The following EML6 variants were observed in gnomAD, a reference collection of about 807,000 sequenced individuals.
EML6 encodes the protein echinoderm microtubule-associated protein-like 6.
A neutral mutation model predicts 240.1 loss-of-function variants in EML6; 154 were observed. That is an observed-to-expected ratio of 0.64 (90% CI 0.56 to 0.73). EML6 has a LOEUF of 0.73. Among genes scored for constraint, EML6 ranks in the 30% least tolerant of loss-of-function variants. The pLI, the probability that EML6 is intolerant of heterozygous loss-of-function variation, is 0.00. For missense variants in EML6, 2,964 were observed against 2,474.6 expected (o/e 1.20, Z -4.20); for synonymous variants, 1,148 against 899.0 (o/e 1.28, Z -4.95).
intron 5 of EML6, among the ~76,000 whole-genome samples, chr2:54,821,361 T>C (rs1668327374): frequency 6.6e-6 from 1 of 152,136 alleles, no homozygotes; most frequent in African/African-American, 2.4e-5. Flanking sequence ...ACCTAAAGAA[T>C]GTTACAAAAC....
intron 7 of EML6, among the ~76,000 whole-genome samples, chr2:54,831,002 G>A (rs1202490890): frequency 6.6e-6 from 1 of 152,102 alleles, no homozygotes; most frequent in African/African-American, 2.4e-5. Flanking sequence ...ATAGAGTGTG[G>A]GCCAGGGAAA....
At chr2:54,950,111 G>T (rs961358735) in intron 29 of EML6, among the ~76,000 whole-genome samples, 1 of 151,900 alleles carries the variant, frequency 6.6e-6, no homozygotes, top group African/African-American at 2.4e-5. Flanking sequence ...ACAGGAAGAT[G>T]AGAAAGACTA....
intron 3 of EML6, 140 bp from the exon 4 acceptor site, chr2:54,816,647 G>A (rs533861152): frequency 5.6e-5 from 35 of 626,616 alleles, no homozygotes; most frequent in South Asian, 2.2e-4. Flanking sequence ...TTTTTAGTTT[G>A]GGGTTTAAGA....
intron 5 of EML6, among the ~76,000 whole-genome samples, chr2:54,824,887 A>G (rs1558581416): frequency 6.6e-6 from 1 of 152,174 alleles, no homozygotes; most frequent in East Asian, 1.9e-4. Context: ...TGTGAATTTA[A>G]TGATGTGTTG....
chr2:54,911,625 T>C (rs543600151), intron 25 of EML6, among the ~76,000 whole-genome samples: 1 of 152,118 alleles, frequency 6.6e-6, no homozygotes, highest in East Asian at 1.9e-4. Context: ...TTAGTAGAGA[T>C]GGGGTTTCCC....
chr2:54,952,413 T>A (rs950415321), intron 30 of EML6, among the ~76,000 whole-genome samples, 181 bp from the exon 31 acceptor site: 2 of 152,084 alleles, frequency 1.3e-5, no homozygotes, highest in Non-Finnish European at 2.9e-5. Flanking sequence ...CAAAACAGAA[T>A]ATGAACATTC....
chr2:54,808,588 G>T (rs1670620793), intron 2 of EML6, among the ~76,000 whole-genome samples: 1 of 152,114 alleles, frequency 6.6e-6, no homozygotes, highest in South Asian at 2.1e-4. Context: ...CACTGAAGCA[G>T]CCTGGGCAAA....
intron 19 of EML6, 105 bp downstream of exon 19, chr2:54,892,761 T>C: frequency 1.3e-6 from 1 of 779,458 alleles, no homozygotes; most frequent in Non-Finnish European, 2.0e-6. Context: ...CAGGCCTGTC[T>C]GAATTAGGAA....
chr2:54,914,041 T>C (rs569645916), intron 25 of EML6, among the ~76,000 whole-genome samples: 1 of 152,324 alleles, frequency 6.6e-6, no homozygotes, highest in Admixed American at 6.5e-5. Flanking sequence ...CCAGTCTGTT[T>C]TGGTTGCTGT....
At chr2:54,887,004 A>T (rs114832319) in intron 17 of EML6, among the ~76,000 whole-genome samples, 2 of 152,218 alleles carry the variant, frequency 1.3e-5, no homozygotes, top group African/African-American at 4.8e-5. Context: ...ACTAAAAGCC[A>T]TACTGCTTTT....
intron 16 of EML6, among the ~76,000 whole-genome samples, chr2:54,877,956 A>G (rs1371789882): frequency 6.6e-6 from 1 of 152,234 alleles, no homozygotes; most frequent in Non-Finnish European, 1.5e-5. Context: ...TGCATAAGCA[A>G]GGGCCCTCAA....
intron 2 of EML6, among the ~76,000 whole-genome samples, chr2:54,793,624 C>G (rs1356708036): frequency 6.6e-6 from 1 of 152,172 alleles, no homozygotes; most frequent in Non-Finnish European, 1.5e-5. Context: ...ATCTATTCTT[C>G]CCTTCCTTAG....
chr2:54,848,600 A>G (rs925144194), intron 9 of EML6, among the ~76,000 whole-genome samples: 2 of 151,586 alleles, frequency 1.3e-5, no homozygotes, highest in Non-Finnish European at 2.9e-5. Context: ...CCATAATGCT[A>G]TTAATAAATG....
chr2:54,796,745 ATGT>A (rs1275723135), intron 2 of EML6, among the ~76,000 whole-genome samples: 1 of 152,118 alleles, frequency 6.6e-6, no homozygotes, highest in Non-Finnish European at 1.5e-5. Context: ...TTGGGAGAAA[ATGT>A]TGTGTTTCTT....
intron 28 of EML6, among the ~76,000 whole-genome samples, chr2:54,945,336 C>T (rs1675642063): frequency 1.4e-5 from 2 of 142,140 alleles, no homozygotes; most frequent in South Asian, 4.9e-4. Context: ...CCAAGACATT[C>T]TAAAACCATT....
chr2:54,905,321 G>GACACACAC lies in EML6; in HGVS notation c.3409+1869_3409+1876dup, dbSNP rs70944194. ...GTCTGATTAACTTTATTTAGAATCCGACACACACACACACACACACACACA... is the reference window on the plus strand; with the variant it reads ...GTCTGATTAACTTTATTTAGAATCCGACACACACACACACACACACACACACACACACA... On this transcript the variant is annotated intron_variant, in intron 24 of 41. Coordinates refer to ENST00000356458, the MANE Select transcript of EML6 (RefSeq NM_001039753.4). 6.3e-3 allele frequency among the ~76,000 whole-genome samples: 772 copies of GACACACAC among 121,608 alleles called. 8 individuals are homozygous for GACACACAC. Among genetic ancestry groups the GACACACAC allele is most frequent in the African/African-American group, 0.017 (543 of 31,636 alleles). 79.8% of individuals were successfully genotyped at this position (121,608 alleles called of 152,430 possible). A position where few individuals can be genotyped will look rare whatever the true frequency, so the allele number is the denominator to read the frequency against.
At chr2:54,823,525 G>A (rs561783430) in intron 5 of EML6, among the ~76,000 whole-genome samples, 2 of 152,014 alleles carry the variant, frequency 1.3e-5, no homozygotes, top group Admixed American at 1.3e-4. Flanking sequence ...TAAATCACGG[G>A]TTCCTTAGCA....
chr2:54,777,240 C>A (rs1351012773), intron 2 of EML6, among the ~76,000 whole-genome samples: 1 of 152,106 alleles, frequency 6.6e-6, no homozygotes, highest in Non-Finnish European at 1.5e-5. Context: ...CAAATGCCTT[C>A]TCACTGCCAG....
chr2:54,935,648 G>A (rs1056054346), intron 28 of EML6, among the ~76,000 whole-genome samples: 1 of 152,106 alleles, frequency 6.6e-6, no homozygotes, highest in African/African-American at 2.4e-5. Context: ...TTCATGCTGA[G>A]GTTTGTTACT....
Sources: allele counts gnomAD v4.1 joint callset (sites outside exome capture counted in the v4.1 genomes callset), GRCh38; gene constraint gnomAD v4.1.1; transcripts MANE v1.5; gene names NCBI Gene and HGNC (gene_info 2026-07-23, HGNC 2026-07-21).